The following ABAT variants were observed in gnomAD, a reference collection of about 807,000 sequenced individuals.
The protein encoded by ABAT is 4-aminobutyrate aminotransferase, also known as 4-aminobutyrate aminotransferase, mitochondrial.
Under a neutral mutation model 64.6 loss-of-function variants are expected in ABAT, and 45 were observed. The observed-to-expected ratio is 0.70, with a 90% confidence interval of 0.55 to 0.89. ABAT has a LOEUF of 0.89. Ranked by LOEUF, ABAT falls within the 40% of genes least tolerant of loss-of-function variation. ABAT has a pLI of 0.00. For missense variants in ABAT, 633 were observed against 658.4 expected (o/e 0.96, Z 0.42); for synonymous variants, 297 against 250.5 (o/e 1.19, Z -1.75).
At chr16:8,777,975 A>G (rs79901118) in intron 14 of ABAT, among the ~76,000 whole-genome samples, 2,507 of 152,232 alleles carry the variant, frequency 0.016, 82 homozygotes, top group African/African-American at 0.058. Context: ...AATTGTGCAC[A>G]TAAGTGTCTA....
intron 15 of ABAT, chr16:8,780,390 C>G (rs2060399147): frequency 1.3e-5 from 2 of 154,440 alleles, no homozygotes; most frequent in African/African-American, 4.8e-5. Context: ...CTTGTGCCAT[C>G]TTACAGAATC....
intron 1 of ABAT, among the ~76,000 whole-genome samples, chr16:8,692,150 G>A (rs1311821975): frequency 6.6e-6 from 1 of 152,168 alleles, no homozygotes; most frequent in Non-Finnish European, 1.5e-5. Flanking sequence ...GGACGCCAAG[G>A]TGGGAGGATC....
At position 8,776,461 on chromosome 16, in the gene ABAT, G is replaced by A. The variant is rs745655905; in HGVS notation, c.1240G>A (p.Ala414Thr). 1.9e-6 allele frequency: 3 copies of A among 1,614,138 alleles called. No individual in the cohort carries two copies. The highest frequency in any genetic ancestry group is 1.7e-6 in the Non-Finnish European group (2 of 1,180,030). ...AAATAATGCAGCCCATGCCGGGAAGGCCCTGCTCACAGGACTGCTGGACCT... is the reference window on the plus strand; with the variant it reads ...AAATAATGCAGCCCATGCCGGGAAGACCCTGCTCACAGGACTGCTGGACCT... The part of the protein sequence containing the change: ...LLNNAAHAGK[A>T]LLTGLLDLQA... The change falls in exon 14 of 16, where the codon GCC becomes ACC. Residue 414 changes from alanine to threonine, a missense_variant. By Grantham distance (58) the Ala-to-Thr change is moderately conservative. Coordinates refer to ENST00000268251, the MANE Select transcript of ABAT (RefSeq NM_020686.6). This position sits in a 1 kb window ranked among gnomAD's most constrained non-coding sequence, Gnocchi z 4.4.
intron 1 of ABAT, among the ~76,000 whole-genome samples, chr16:8,686,471 G>C (rs1489130090): frequency 6.6e-6 from 1 of 152,194 alleles, no homozygotes; most frequent in Non-Finnish European, 1.5e-5. Context: ...TTTGGCTCCA[G>C]CTTTACCCAT....
At chr16:8,710,598 G>A (rs1421698134) in intron 1 of ABAT, among the ~76,000 whole-genome samples, 1 of 151,626 alleles carries the variant, frequency 6.6e-6, no homozygotes, top group Non-Finnish European at 1.5e-5. Context: ...ATTACCCAGG[G>A]GTGGTAGTGC....
chr16:8,681,360 C>G (rs568954029), intron 1 of ABAT, among the ~76,000 whole-genome samples: 66 of 152,168 alleles, frequency 4.3e-4, no homozygotes, highest in African/African-American at 1.5e-3. Flanking sequence ...ATTTGCTCAG[C>G]TCCTGTAGGT....
At chr16:8,675,234 A>C (rs1195458276) in intron 1 of ABAT, among the ~76,000 whole-genome samples, 1 of 151,910 alleles carries the variant, frequency 6.6e-6, no homozygotes, top group African/African-American at 2.4e-5. Flanking sequence ...CACCCCAGAT[A>C]CTGGGCTCTG....
At chr16:8,769,402 A>G (rs1213008164) in intron 11 of ABAT, among the ~76,000 whole-genome samples, 1 of 151,964 alleles carries the variant, frequency 6.6e-6, no homozygotes, top group Non-Finnish European at 1.5e-5. Context: ...CCCCATCTCT[A>G]CTAAAAATTA....
rs1246437217 is a variant in ABAT at position 8,738,643 on chromosome 16, T to A, written c.70+2834T>A. 2.8e-5 allele frequency among the ~76,000 whole-genome samples: 4 copies of A among 142,712 alleles called. 1 individual carries two copies. Among genetic ancestry groups the A allele is most frequent in the African/African-American group, 1.1e-4 (4 of 36,784 alleles). The allele number at this position is 142,712 out of a possible 152,430, so 93.6% of individuals were successfully genotyped here. A position where few individuals can be genotyped will look rare whatever the true frequency, so the allele number is the denominator to read the frequency against. On this transcript the variant is annotated intron_variant, in intron 2 of 15. Transcript: ENST00000268251. Reference sequence around the variant, plus strand: ...TTTTGTTTTTGTTTTTTTTTTGGTGTGTGTGTATGTGTGTCTGAGATGGAG... The same window carrying A: ...TTTTGTTTTTGTTTTTTTTTTGGTGAGTGTGTATGTGTGTCTGAGATGGAG...
At chr16:8,732,716 C>T (rs2058769140) in intron 1 of ABAT, among the ~76,000 whole-genome samples, 1 of 151,042 alleles carries the variant, frequency 6.6e-6, no homozygotes, top group African/African-American at 2.5e-5. Flanking sequence ...CATCCTGGCC[C>T]GTTCTCAATG....
chr16:8,691,690 C>G (rs1244116368), intron 1 of ABAT, among the ~76,000 whole-genome samples: 3 of 130,428 alleles, frequency 2.3e-5, no homozygotes, highest in Non-Finnish European at 5.1e-5. Context: ...ATCCTCTGCC[C>G]TCAGCCTCAC....
At chr16:8,763,985 C>A in intron 6 of ABAT, 84 bp from the exon 7 acceptor site, 1 of 1,157,494 alleles carries the variant, frequency 8.6e-7, no homozygotes, top group Non-Finnish European at 1.3e-6. Flanking sequence ...TATTTGAACA[C>A]AGGGGCTATG....
chr16:8,749,721 G>C (rs1018018732), intron 4 of ABAT, among the ~76,000 whole-genome samples: 1 of 149,638 alleles, frequency 6.7e-6, no homozygotes, highest in African/African-American at 2.5e-5. Flanking sequence ...TAATGTTTTT[G>C]TTTTTTATTT....
intron 6 of ABAT, among the ~76,000 whole-genome samples, chr16:8,759,434 C>G (rs558556174): frequency 3.9e-5 from 6 of 151,904 alleles, no homozygotes; most frequent in African/African-American, 7.2e-5. Flanking sequence ...ATGCCCCCAC[C>G]CAGTTATTAT....
chr16:8,749,366 C>A (rs1224945235), intron 4 of ABAT, among the ~76,000 whole-genome samples: 5 of 122,888 alleles, frequency 4.1e-5, no homozygotes, highest in African/African-American at 1.5e-4. Context: ...GGATTACAGG[C>A]GTGAGCCACC....
intron 1 of ABAT, among the ~76,000 whole-genome samples, chr16:8,697,292 C>G (rs2057724676): frequency 6.6e-6 from 1 of 152,166 alleles, no homozygotes; most frequent in Non-Finnish European, 1.5e-5. Flanking sequence ...GTTTTATTCT[C>G]TCTGCAATTA....
intron 1 of ABAT, among the ~76,000 whole-genome samples, chr16:8,691,246 T>C (rs543209119): frequency 6.6e-5 from 10 of 152,232 alleles, no homozygotes; most frequent in African/African-American, 2.4e-4. Context: ...TGATGTGGTT[T>C]CAAACCCATT....
intron 1 of ABAT, among the ~76,000 whole-genome samples, chr16:8,706,508 G>T (rs2057949245): frequency 6.6e-6 from 1 of 151,728 alleles, no homozygotes; most frequent in African/African-American, 2.4e-5. Flanking sequence ...GAGGCCATGA[G>T]TTCAAAACCA....
At chr16:8,682,559 G>A (rs1054024307) in intron 1 of ABAT, among the ~76,000 whole-genome samples, 7 of 152,036 alleles carry the variant, frequency 4.6e-5, no homozygotes, top group Admixed American at 3.3e-4. Flanking sequence ...CGGCCAGAAT[G>A]CTCCCAACTC....
Sources: allele counts gnomAD v4.1 joint callset (sites outside exome capture counted in the v4.1 genomes callset), GRCh38; gene constraint gnomAD v4.1.1; non-coding constraint Gnocchi (gnomAD v3.1); transcripts MANE v1.5; gene names NCBI Gene and HGNC (gene_info 2026-07-23, HGNC 2026-07-21).